Variants in BRF1 observed in about 807,000 individuals in gnomAD.
The protein encoded by BRF1 is BRF1 general transcription factor IIIB subunit, also known as transcription factor IIIB 90 kDa subunit.
Under a neutral mutation model 81.7 loss-of-function variants are expected in BRF1, and 59 were observed. The observed-to-expected ratio is 0.72, with a 90% CI of 0.59 to 0.90. BRF1 has a LOEUF of 0.90. Ranked by LOEUF, BRF1 falls within the 40% of genes least tolerant of loss-of-function variation. The pLI, the probability that BRF1 is intolerant of heterozygous loss-of-function variation, is 0.00. For synonymous variants in BRF1, 491 were observed against 395.6 expected (o/e 1.24, Z -2.86); for missense variants, 1,050 against 936.3 (o/e 1.12, Z -1.58).
chr14:105,259,050 G>A (rs1433134885), intron 3 of BRF1, among the ~76,000 whole-genome samples: 1 of 152,180 alleles, frequency 6.6e-6, no homozygotes, highest in Non-Finnish European at 1.5e-5. Flanking sequence ...GCGTGAAGTG[G>A]TACAACCACC....
intron 7 of BRF1, 179 bp from the exon 8 acceptor site, chr14:105,226,939 T>G: frequency 1.4e-6 from 1 of 721,478 alleles, no homozygotes; most frequent in Non-Finnish European, 2.1e-6. Context: ...TGAGACTCTG[T>G]CTCTACCCAA....
chr14:105,310,283 C>A (rs1010561965), intron 1 of BRF1, among the ~76,000 whole-genome samples: 1 of 151,106 alleles, frequency 6.6e-6, no homozygotes, highest in Admixed American at 6.6e-5. Context: ...GTAATCCCAG[C>A]ACTTTGGGAG....
intron 5 of BRF1, chr14:105,248,945 G>C (rs1286243917): frequency 4.4e-5 from 43 of 983,828 alleles, no homozygotes; most frequent in Non-Finnish European, 5.1e-5. Context: ...GCGCCGCCGT[G>C]GGCAGGAAGG....
chr14:105,274,185 T>C (rs1351449378), intron 2 of BRF1, among the ~76,000 whole-genome samples: 1 of 152,200 alleles, frequency 6.6e-6, no homozygotes, highest in Non-Finnish European at 1.5e-5. Flanking sequence ...CCCTTGAACT[T>C]AATTATGACA....
intron 5 of BRF1, chr14:105,246,914 G>C: frequency 1.0e-6 from 1 of 985,324 alleles, no homozygotes. Flanking sequence ...GACAGCTGTC[G>C]CCCAGGTCTT....
At chr14:105,249,017 G>C in intron 5 of BRF1, 3 of 1,129,204 alleles carry the variant, frequency 2.7e-6, no homozygotes, top group Non-Finnish European at 3.2e-6. Flanking sequence ...CGCCCGCGCC[G>C]CCCACACTCG....
rs141992177 is a variant in BRF1 at position 105,251,862 on chromosome 14, A to G, written c.544+645T>C. ...TTCCGCTAGGTTAGATTCTGCATGC[A>G]TGAACACTGCTGCTGCCTCGAGGGA... On this transcript the variant is annotated intron_variant, in intron 5 of 17. Transcript: ENST00000547530. 3.6e-3 allele frequency among the ~76,000 whole-genome samples: 549 copies of G among 152,176 alleles called. 1 individual carries two copies. Among genetic ancestry groups the G allele is most frequent in the African/African-American group, 0.013 (526 of 41,524 alleles).
intron 10 of BRF1, among the ~76,000 whole-genome samples, chr14:105,224,870 T>A (rs1442489209): frequency 6.6e-6 from 1 of 152,230 alleles, no homozygotes; most frequent in Non-Finnish European, 1.5e-5. Flanking sequence ...GACTGCTTTC[T>A]TCTGAATGTG....
chr14:105,249,666 TG>T, intron 5 of BRF1: 1 of 1,612,884 alleles, frequency 6.2e-7, no homozygotes, highest in Non-Finnish European at 8.5e-7. Context: ...GAGATCGATC[TG>T]GAAGCCGACA....
chr14:105,252,634 C>T (rs903681917), intron 4 of BRF1, 55 bp from the exon 5 acceptor site: 4 of 1,564,002 alleles, frequency 2.6e-6, no homozygotes, highest in Admixed American at 3.6e-5. Flanking sequence ...GAAATGTTTG[C>T]TTTTTTTCTC....
At chr14:105,221,988 AC>A in intron 10 of BRF1, 74 bp from the exon 11 acceptor site, 1 of 1,482,640 alleles carries the variant, frequency 6.7e-7, no homozygotes, top group East Asian at 2.5e-5. Context: ...AAACAATGCT[AC>A]CAAGCTGCCA....
At chr14:105,280,099 G>A (rs1057224386) in intron 2 of BRF1, among the ~76,000 whole-genome samples, 6 of 152,210 alleles carry the variant, frequency 3.9e-5, no homozygotes, top group East Asian at 3.8e-4. Flanking sequence ...TGCACGTGAC[G>A]TTTACAGCAG....
chr14:105,247,080 T>G, intron 5 of BRF1: 1 of 985,482 alleles, frequency 1.0e-6, no homozygotes, highest in Non-Finnish European at 1.2e-6. Flanking sequence ...CCTTTTTCTA[T>G]GGAAACAGAC....
chr14:105,214,686 G>T (rs1324233950), intron 15 of BRF1, among the ~76,000 whole-genome samples: 1 of 152,210 alleles, frequency 6.6e-6, no homozygotes, highest in Non-Finnish European at 1.5e-5. Context: ...TGCAGCTCAG[G>T]CTGGTTCCCC....
chr14:105,315,225 C>G lies in BRF1; in HGVS notation c.-162+97G>C, dbSNP rs183686378. On this transcript the variant is annotated intron_variant, in intron 1 of 17. Transcript: ENST00000327359. The surrounding 1 kb of genome is among the most constrained non-coding windows in gnomAD (Gnocchi z 4.4). ...GCAGCTCCGGCAAGCGCGGCCCCAGCCCCCCAGGTCCCGAGCACCGGGGGC... is the reference window on the plus strand; with the variant it reads ...GCAGCTCCGGCAAGCGCGGCCCCAGGCCCCCAGGTCCCGAGCACCGGGGGC... 4.1e-4 allele frequency: 81 copies of G among 195,212 alleles called. 1 individual carries two copies. In the East Asian group the frequency reaches 0.013, roughly 31 times the overall value. 12.1% of individuals were successfully genotyped at this position (195,212 alleles called of 1,614,324 possible). A position where few individuals can be genotyped will look rare whatever the true frequency, so the allele number is the denominator to read the frequency against.
intron 15 of BRF1, 49 bp from the exon 16 acceptor site, chr14:105,212,213 C>G: frequency 6.3e-7 from 1 of 1,586,250 alleles, no homozygotes; most frequent in African/African-American, 1.3e-5. Context: ...CTCCCGAACG[C>G]CTGCCCACTT....
At chr14:105,313,177 T>C (rs1300165125) in intron 1 of BRF1, among the ~76,000 whole-genome samples, 5 of 152,182 alleles carry the variant, frequency 3.3e-5, no homozygotes, top group African/African-American at 1.2e-4. Context: ...ACAGGCACCA[T>C]GTGTCAGGCG....
chr14:105,251,570 T>C (rs1480953101), intron 5 of BRF1, among the ~76,000 whole-genome samples: 2 of 152,208 alleles, frequency 1.3e-5, no homozygotes, highest in African/African-American at 2.4e-5. Context: ...ATGGCCCCTC[T>C]TGGCACCTGG....
Position 105,212,135 on chromosome 14 carries a change from G to C in BRF1, c.1802C>G (p.Ala601Gly). The change falls in exon 16 of 18, where the codon GCA (alanine) becomes GGA (glycine). Residue 601 changes from alanine (A) to glycine (G), a missense_variant. By Grantham distance (60) the Ala-to-Gly change is moderately conservative (BLOSUM62 0). Transcript: ENST00000547530. ...CACCTCTCCCGTGGCCACCTTCTTT[G>C]CTGGCTGCGTAGACACCAGAGGCCT... ...RLRPLVSTQP[A>G]KKVATGEALL... 1 of 1,612,776 alleles carries C rather than the reference G, an allele frequency of 6.2e-7. No homozygotes were observed. The highest frequency in any genetic ancestry group is 8.5e-7 in the Non-Finnish European group (1 of 1,179,722).
Sources: gnomAD v4.1 joint callset for allele counts (sites outside exome capture counted in the v4.1 genomes callset) on GRCh38, gnomAD v4.1.1 for gene constraint, Gnocchi (gnomAD v3.1) non-coding constraint, MANE v1.5 for transcripts, NCBI Gene and HGNC (gene_info 2026-07-23, HGNC 2026-07-21) for gene names.